RGS7BP: variants seen among roughly 807,000 people sequenced by gnomAD.
The protein encoded by RGS7BP is regulator of G protein signaling 7-binding protein.
RGS7BP carries 9 observed loss-of-function variants against 31.3 expected under a neutral mutation model. That is an observed-to-expected ratio of 0.29 (90% confidence interval 0.17 to 0.50). The LOEUF is 0.50. Ranked by LOEUF, RGS7BP falls within the 20% of genes least tolerant of loss-of-function variation. The pLI is 0.98. For synonymous variants in RGS7BP, 115 were observed against 120.1 expected (o/e 0.96, Z 0.28); for missense variants, 274 against 322.0 (o/e 0.85, Z 1.14).
chr5:64,533,489 C>T (rs1749424246), intron 2 of RGS7BP, among the ~76,000 whole-genome samples: 1 of 152,162 alleles, frequency 6.6e-6, no homozygotes, highest in Admixed American at 6.5e-5. Context: ...ACTCCTAATG[C>T]TCAGGCCACG....
chr5:64,606,076 A>C (rs1743356813), intron 5 of RGS7BP, among the ~76,000 whole-genome samples: 1 of 150,148 alleles, frequency 6.7e-6, no homozygotes, highest in African/African-American at 2.4e-5. Flanking sequence ...GAGCGAGAAG[A>C]ATTTCAATAG....
chr5:64,507,565 G>T, intron 1 of RGS7BP, 146 bp from the exon 2 acceptor site: 2 of 658,720 alleles, frequency 3.0e-6, no homozygotes, highest in Non-Finnish European at 4.9e-6. Flanking sequence ...GGTGCCTTCT[G>T]CTTTAAACAA....
intron 3 of RGS7BP, among the ~76,000 whole-genome samples, chr5:64,583,458 A>G (rs1263401581): frequency 6.6e-6 from 1 of 152,122 alleles, no homozygotes; most frequent in Admixed American, 6.5e-5. Flanking sequence ...AAAGGGAGAG[A>G]GGAGAAAGAG....
At chr5:64,542,069 CCTCT>C (rs1469540829) in intron 2 of RGS7BP, among the ~76,000 whole-genome samples, 2 of 152,104 alleles carry the variant, frequency 1.3e-5, no homozygotes, top group African/African-American at 2.4e-5. Context: ...AATAATCTAT[CCTCT>C]CTCTGTCTGT....
chr5:64,611,638 T>A lies in RGS7BP; in HGVS notation c.*2386T>A, dbSNP rs1032965573. 6.6e-6 allele frequency: 1 copy of A among 152,310 alleles called. No individual in the cohort carries two copies. The highest frequency in any genetic ancestry group is 1.5e-5 in the Non-Finnish European group (1 of 67,874). 9.4% of individuals were successfully genotyped at this position (152,310 alleles called of 1,614,324 possible). On this transcript the variant is annotated 3_prime_UTR_variant, in exon 6 of 6. Transcript: ENST00000334025. The stretch of plus-strand genomic sequence containing the variant: ...ATTCAGCTACCGTATCTTTTATTCA[T>A]AGTGCCTGTTTTCCAGCCTTTGATC...
chr5:64,569,146 G>T (rs891664417), intron 2 of RGS7BP, among the ~76,000 whole-genome samples: 3 of 152,166 alleles, frequency 2.0e-5, no homozygotes, highest in African/African-American at 7.2e-5. Flanking sequence ...GGCAGAGTTT[G>T]ATCTCAGCTC....
At chr5:64,598,001 G>A (rs926014509) in intron 4 of RGS7BP, among the ~76,000 whole-genome samples, 1 of 152,152 alleles carries the variant, frequency 6.6e-6, no homozygotes, top group Non-Finnish European at 1.5e-5. Flanking sequence ...TTTGCCCTGG[G>A]TAGCCCTGTT....
At chr5:64,536,574 T>G (rs907242566) in intron 2 of RGS7BP, among the ~76,000 whole-genome samples, 7 of 152,176 alleles carry the variant, frequency 4.6e-5, no homozygotes, top group African/African-American at 1.4e-4. Context: ...ACAAAATGTA[T>G]CAATAACATA....
At chr5:64,579,803 T>C (rs1285840871) in intron 3 of RGS7BP, among the ~76,000 whole-genome samples, 1 of 152,182 alleles carries the variant, frequency 6.6e-6, no homozygotes, top group Admixed American at 6.5e-5. Context: ...ATTTGTATGA[T>C]ACATCCTTTC....
chr5:64,598,196 T>C (rs1743125857), intron 4 of RGS7BP, among the ~76,000 whole-genome samples, 169 bp from the exon 5 acceptor site: 1 of 152,124 alleles, frequency 6.6e-6, no homozygotes, highest in Non-Finnish European at 1.5e-5. Flanking sequence ...CCATCTCAGA[T>C]TTTTTTTCTT....
chr5:64,538,386 A>G (rs1268421337), intron 2 of RGS7BP, among the ~76,000 whole-genome samples: 1 of 151,946 alleles, frequency 6.6e-6, no homozygotes. Flanking sequence ...AGCCCCGGCA[A>G]ACTCTGATCT....
intron 2 of RGS7BP, among the ~76,000 whole-genome samples, chr5:64,517,599 T>C (rs1749009345): frequency 6.6e-6 from 1 of 152,202 alleles, no homozygotes; most frequent in Non-Finnish European, 1.5e-5. Flanking sequence ...ACTTCACTCC[T>C]CTGCATGTCA....
At chr5:64,535,679 A>G (rs1741333610) in intron 2 of RGS7BP, among the ~76,000 whole-genome samples, 1 of 152,236 alleles carries the variant, frequency 6.6e-6, no homozygotes, top group Admixed American at 6.5e-5. Flanking sequence ...ACCTGAATAA[A>G]TTCAAATAGC....
At chr5:64,524,174 G>C (rs1749176715) in intron 2 of RGS7BP, among the ~76,000 whole-genome samples, 1 of 152,190 alleles carries the variant, frequency 6.6e-6, no homozygotes, top group African/African-American at 2.4e-5. Context: ...GCCATTTCTA[G>C]ACAACTATTT....
intron 1 of RGS7BP, among the ~76,000 whole-genome samples, chr5:64,507,223 C>CCCGTCAGG (rs1179941547): frequency 3.3e-5 from 5 of 152,234 alleles, no homozygotes; most frequent in African/African-American, 7.2e-5. Context: ...AGCTGGTCTT[C>CCCGTCAGG]CCGTCAGGCC....
At chr5:64,525,907 A>G (rs1404610946) in intron 2 of RGS7BP, among the ~76,000 whole-genome samples, 1 of 152,228 alleles carries the variant, frequency 6.6e-6, no homozygotes, top group African/African-American at 2.4e-5. Flanking sequence ...ACAGACCTGA[A>G]GCATCCAGAT....
At chr5:64,523,330 T>C (rs1749155692) in intron 2 of RGS7BP, among the ~76,000 whole-genome samples, 1 of 137,416 alleles carries the variant, frequency 7.3e-6, no homozygotes, top group Non-Finnish European at 1.7e-5. Flanking sequence ...ATTGGCCAAA[T>C]GTGCCATTTT....
At chr5:64,541,908 C>T (rs1032343580) in intron 2 of RGS7BP, among the ~76,000 whole-genome samples, 1 of 151,890 alleles carries the variant, frequency 6.6e-6, no homozygotes, top group East Asian at 1.9e-4. Flanking sequence ...GAAAGAACTT[C>T]CCTAAGTAAA....
At chr5:64,605,449 GGCCCCACCCCAGA>G (rs1335640772) in intron 5 of RGS7BP, among the ~76,000 whole-genome samples, 2 of 152,020 alleles carry the variant, frequency 1.3e-5, no homozygotes, top group African/African-American at 2.4e-5. Context: ...CTGATGCTCT[GGCCCCACCCCAGA>G]GCTGCTGAGA....
Sources: gnomAD v4.1 joint callset for allele counts (sites outside exome capture counted in the v4.1 genomes callset) on GRCh38, gnomAD v4.1.1 for gene constraint, MANE v1.5 for transcripts, NCBI Gene and HGNC (gene_info 2026-07-23, HGNC 2026-07-21) for gene names.